SMG6: variants seen among roughly 807,000 people sequenced by gnomAD.
The protein encoded by SMG6 is SMG6 nonsense mediated mRNA decay factor.
SMG6 carries 66 observed loss-of-function variants against 142.2 expected under a neutral mutation model. The observed-to-expected ratio is 0.46, with a 90% confidence interval of 0.38 to 0.57. SMG6 has a LOEUF of 0.57. Ranked by LOEUF, SMG6 falls within the 20% of genes least tolerant of loss-of-function variation. The pLI, the probability that SMG6 is intolerant of heterozygous loss-of-function variation, is 0.00. For synonymous variants in SMG6, 779 were observed against 702.4 expected (o/e 1.11, Z -1.72); for missense variants, 1,793 against 1,832.0 (o/e 0.98, Z 0.39).
At chr17:2,082,032 G>GC in intron 14 of SMG6, 76 bp from the exon 15 acceptor site, 1 of 1,507,386 alleles carries the variant, frequency 6.6e-7, no homozygotes, top group South Asian at 1.1e-5. Flanking sequence ...ACCCAACATT[G>GC]CCCTTGTGGC....
chr17:2,115,754 T>C (rs11649759), intron 13 of SMG6, among the ~76,000 whole-genome samples: 3,855 of 152,264 alleles, frequency 0.025, 89 homozygotes, highest in Non-Finnish European at 0.038. Context: ...GTCAGGTTTT[T>C]GCTCTGTCCC....
rs1377416053 is a variant in SMG6, at chr17:2,186,686, G to A, written c.3132C>T (p.Pro1044=). The A allele has an allele frequency of 2.5e-6, 4 of 1,614,234 alleles. No individual in the cohort carries two copies. In the South Asian group the frequency reaches 3.3e-5, roughly 13 times the overall value. The part of the protein sequence containing the change: ...LGYPDTWNPP[P]TSLDLPSHVA... ...ACTGCGAGGGCAGATCCAGGGATGT[G>A]GGAGGAGGATTCCAGGTGTCCGGGT... The change falls in exon 12 of 19, where the codon CCC becomes CCT. Residue 1044 remains proline, a synonymous_variant. Coordinates refer to ENST00000263073, the MANE Select transcript of SMG6 (RefSeq NM_017575.5).
chr17:2,178,461 G>A (rs1228603789), intron 12 of SMG6, among the ~76,000 whole-genome samples: 11 of 152,156 alleles, frequency 7.2e-5, no homozygotes, highest in Non-Finnish European at 2.9e-5. Context: ...GGGACTTTGG[G>A]AGAGTACTCA....
Position 2,259,410 on chromosome 17 carries a change from A to G in SMG6, c.2662-14691T>C, listed in dbSNP as rs1418710617. Reference sequence around the variant, plus strand: ...GCAACAGGAGCCTGATGAATAAGGAAAGAGTCCTTCAAGGACGGGCACAGT... The same window carrying G: ...GCAACAGGAGCCTGATGAATAAGGAGAGAGTCCTTCAAGGACGGGCACAGT... On this transcript the variant is annotated intron_variant, in intron 8 of 18. Coordinates refer to ENST00000263073, the MANE Select transcript of SMG6 (RefSeq NM_017575.5). Among the ~76,000 whole-genome samples the G allele has an allele frequency of 2.6e-5, 4 of 152,180 alleles. No individual in the cohort carries two copies. The East Asian group carries it at 7.7e-4, about 29-fold the overall frequency.
intron 10 of SMG6, among the ~76,000 whole-genome samples, chr17:2,205,912 A>G (rs2072664645): frequency 6.6e-6 from 1 of 152,098 alleles, no homozygotes; most frequent in African/African-American, 2.4e-5. Context: ...GAGCTCAAGC[A>G]ATTCCCGTGC....
intron 10 of SMG6, among the ~76,000 whole-genome samples, chr17:2,216,197 G>A (rs752709956): frequency 8.5e-5 from 13 of 152,140 alleles, no homozygotes; most frequent in African/African-American, 2.9e-4. Flanking sequence ...CAGGTACCAC[G>A]ATGGTAAAGC....
At chr17:2,129,144 G>A (rs1236644512) in intron 13 of SMG6, among the ~76,000 whole-genome samples, 2 of 151,794 alleles carry the variant, frequency 1.3e-5, no homozygotes, top group Non-Finnish European at 2.9e-5. Context: ...GCCCAGGATG[G>A]CGAAACCCCA....
chr17:2,187,818 CATT>C (rs1334086788), intron 11 of SMG6, among the ~76,000 whole-genome samples: 1 of 151,876 alleles, frequency 6.6e-6, no homozygotes, highest in Admixed American at 6.5e-5. Context: ...AGTGGGGTCT[CATT>C]AAGTCACTAA....
At chr17:2,098,924 C>A (rs1322067278) in intron 13 of SMG6, among the ~76,000 whole-genome samples, 2 of 152,184 alleles carry the variant, frequency 1.3e-5, no homozygotes, top group Non-Finnish European at 2.9e-5. Flanking sequence ...AGCCACCGTG[C>A]CTGGCCATGT....
intron 13 of SMG6, among the ~76,000 whole-genome samples, chr17:2,141,982 T>C (rs990769537): frequency 5.3e-5 from 8 of 152,358 alleles, no homozygotes; most frequent in Admixed American, 4.6e-4. Flanking sequence ...CTGAAGTGTG[T>C]ACTTCAGGTA....
chr17:2,303,370 C>G (rs2075329778), intron 1 of SMG6: 3 of 1,225,818 alleles, frequency 2.4e-6, no homozygotes, highest in Non-Finnish European at 2.0e-6. Context: ...GCAAAAGGAA[C>G]AGTCACCTTC....
At chr17:2,206,408 C>A (rs888374810) in intron 10 of SMG6, among the ~76,000 whole-genome samples, 5 of 148,596 alleles carry the variant, frequency 3.4e-5, no homozygotes, top group Admixed American at 6.7e-5. Flanking sequence ...CCCATCTCTA[C>A]AAAAAAAATA....
intron 8 of SMG6, among the ~76,000 whole-genome samples, chr17:2,267,007 C>T (rs1176021266): frequency 6.6e-6 from 1 of 152,196 alleles, no homozygotes; most frequent in African/African-American, 2.4e-5. Context: ...CTTCTTCCCA[C>T]AGAAAGAGGC....
chr17:2,116,734 C>T (rs566536860), intron 13 of SMG6, among the ~76,000 whole-genome samples: 56 of 151,826 alleles, frequency 3.7e-4, no homozygotes, highest in Admixed American at 1.2e-3. Flanking sequence ...GGCGGCAGAG[C>T]GAGACTCTGC....
At chr17:2,118,317 C>G (rs2069571247) in intron 13 of SMG6, among the ~76,000 whole-genome samples, 1 of 152,178 alleles carries the variant, frequency 6.6e-6, no homozygotes, top group Non-Finnish European at 1.5e-5. Flanking sequence ...GCAGGCAGAT[C>G]ACTTGAGGTC....
At chr17:2,210,920 T>C (rs2072835512) in intron 10 of SMG6, among the ~76,000 whole-genome samples, 2 of 152,024 alleles carry the variant, frequency 1.3e-5, no homozygotes, top group Non-Finnish European at 2.9e-5. Flanking sequence ...TAGCTTCTGC[T>C]TGAGCAATCT....
chr17:2,206,232 A>G (rs2072677316), intron 10 of SMG6, among the ~76,000 whole-genome samples: 1 of 152,128 alleles, frequency 6.6e-6, no homozygotes, highest in Non-Finnish European at 1.5e-5. Context: ...TTCTAAAAAT[A>G]TTTTTCCAAA....
rs756353570 is a variant in SMG6 at position 2,297,260 on chromosome 17, T to C, written c.2134A>G (p.Lys712Glu). 3.7e-6 allele frequency: 6 copies of C among 1,606,834 alleles called. 1 individual carries two copies. In the Admixed American group the frequency reaches 8.6e-5, roughly 23 times the overall value. ...DYMDGLAIRS[K>E]PLRKTVKYAL... ...TAGCTTACTGTCTTGCGTAATGGCTTGCTGCGAATGGCAAGACCATCCATG... is the reference window on the plus strand; with the variant it reads ...TAGCTTACTGTCTTGCGTAATGGCTCGCTGCGAATGGCAAGACCATCCATG... The change falls in exon 4 of 19, where the codon AAG (lysine) becomes GAG (glutamate). Residue 712 changes from lysine to glutamate, a missense_variant. By Grantham distance (56) the Lys-to-Glu change is moderately conservative. Coordinates refer to ENST00000263073, the MANE Select transcript of SMG6 (RefSeq NM_017575.5).
intron 13 of SMG6, among the ~76,000 whole-genome samples, chr17:2,122,766 T>A (rs751411073): frequency 2.0e-5 from 3 of 152,018 alleles, no homozygotes; most frequent in Non-Finnish European, 4.4e-5. Context: ...CAGTGGGAGG[T>A]GCCAGAGCAG....
Sources: allele counts gnomAD v4.1 joint callset (sites outside exome capture counted in the v4.1 genomes callset), GRCh38; gene constraint gnomAD v4.1.1; transcripts MANE v1.5; gene names NCBI Gene and HGNC (gene_info 2026-07-23, HGNC 2026-07-21).